Variants in NOP9 observed in about 807,000 individuals in gnomAD.
NOP9 encodes NOP9 nucleolar protein, also known as nucleolar protein 9.
A neutral mutation model predicts 63.0 loss-of-function variants in NOP9; 50 were observed. That is an observed-to-expected ratio of 0.79 (90% CI 0.63 to 1.00). The LOEUF (loss-of-function observed/expected upper bound fraction) is 1.00. NOP9 is among the 50% of genes least tolerant of loss of function. The pLI is 0.00. For missense variants in NOP9, 758 were observed against 803.0 expected (o/e 0.94, Z 0.68); for synonymous variants, 343 against 332.8 (o/e 1.03, Z -0.33).
chr14:24,292,523 T>C, the NOP9 span: 1 of 1,547,348 alleles, frequency 6.5e-7, no homozygotes, highest in Non-Finnish European at 8.9e-7. Flanking sequence ...GAACTGTCCA[T>C]GGATGAGGCA....
the NOP9 span, among the ~76,000 whole-genome samples, chr14:24,283,211 T>A: frequency 1.3e-5 from 2 of 152,242 alleles, no homozygotes; most frequent in Admixed American, 1.3e-4. Flanking sequence ...CTGACCTCAC[T>A]TTCTTAGAAC....
intron 9 of NOP9, among the ~76,000 whole-genome samples, 156 bp from the exon 10 acceptor site, chr14:24,304,782 C>T (rs1302557673): frequency 1.3e-5 from 2 of 152,214 alleles, no homozygotes; most frequent in Non-Finnish European, 2.9e-5. Flanking sequence ...GTCCTCTGCC[C>T]TCACCCTGCC....
the NOP9 span, among the ~76,000 whole-genome samples, chr14:24,272,754 C>G: frequency 1.3e-5 from 2 of 152,214 alleles, no homozygotes; most frequent in African/African-American, 4.8e-5. Context: ...CTGCCAAAAA[C>G]TCTTCATGAC....
In NOP9 at chr14:24,300,178, C is replaced by T. The variant is rs2041344121; in HGVS notation, c.224C>T (p.Ala75Val). 1 of 1,613,990 alleles carries T rather than the reference C, an allele frequency of 6.2e-7. No individual in the cohort carries two copies. Among genetic ancestry groups the T allele is most frequent in the Non-Finnish European group, 8.5e-7 (1 of 1,179,988 alleles). The change falls in exon 1 of 10, where the codon GCT becomes GTT. Residue 75 changes from alanine to valine, a missense_variant. Physicochemically the swap from Ala to Val is moderately conservative, Grantham distance 64 (BLOSUM62 0). Coordinates refer to ENST00000267425, the MANE Select transcript of NOP9 (RefSeq NM_174913.3). The stretch of plus-strand genomic sequence containing the variant: ...CGGGCGCTGTCAGCATTGAAAGAGG[C>T]TCCCGAGACTGGGGAAGAACGAGGT... ...FRRALSALKEAPETGEERDLM... is the reference protein window; with the variant it reads ...FRRALSALKEVPETGEERDLM...
At chr14:24,290,816 C>G in the NOP9 span, 1 of 1,611,396 alleles carries the variant, frequency 6.2e-7, no homozygotes, top group Admixed American at 1.7e-5. Context: ...CCACCAAGTC[C>G]AAATGAGAAG....
Position 24,306,463 on chromosome 14 carries a change from C to T in NOP9, c.*1368C>T, listed in dbSNP as rs777528076. 57 of 1,614,148 alleles carry T rather than the reference C, an allele frequency of 3.5e-5. 1 individual carries two copies. In the Admixed American group the frequency reaches 9.0e-4, roughly 25 times the overall value. Reference sequence around the variant, plus strand: ...TGGAAGAAGTCCTCACTGTCCACTGCAGTTCCATCCTCCTCTAGCACCAGG... The same window carrying T: ...TGGAAGAAGTCCTCACTGTCCACTGTAGTTCCATCCTCCTCTAGCACCAGG... On this transcript the variant is annotated 3_prime_UTR_variant, in exon 10 of 10. Transcript: ENST00000267425.
intron 1 of NOP9, 87 bp downstream of exon 1, chr14:24,300,288 TTAG>T: frequency 6.4e-7 from 1 of 1,572,120 alleles, no homozygotes; most frequent in South Asian, 1.2e-5. Context: ...GCGTGGGGAC[TTAG>T]TTTCATTTCC....
At chr14:24,280,767 A>G in the NOP9 span, among the ~76,000 whole-genome samples, 2 of 152,268 alleles carry the variant, frequency 1.3e-5, no homozygotes, top group African/African-American at 4.8e-5. Flanking sequence ...GAAATGAAAC[A>G]GGGTATTGAG....
chr14:24,302,045 G>A lies in NOP9; in HGVS notation c.889G>A (p.Ala297Thr), dbSNP rs768126506. 2.8e-5 allele frequency: 45 copies of A among 1,613,846 alleles called. No individual in the cohort carries two copies. In the Admixed American group the frequency reaches 2.8e-4, roughly 10 times the overall value. ...ACACCGCAAACTTCCCCAGTTTTGC[G>A]CTCATCTCTGCAATGCTGTGATTGG... ...VLHRKLPQFC[A>T]HLCNAVIGYL... The change falls in exon 4 of 10, where the codon GCT becomes ACT. Residue 297 changes from alanine (A) to threonine (T), a missense_variant. By Grantham distance (58) the Ala-to-Thr change is moderately conservative. Transcript: ENST00000267425.
At chr14:24,292,387 T>G in the NOP9 span, 4 of 1,603,868 alleles carry the variant, frequency 2.5e-6, no homozygotes. Context: ...TTTCCTGCCC[T>G]GCCCTCTCTG....
the NOP9 span, among the ~76,000 whole-genome samples, chr14:24,288,552 G>A: frequency 1.3e-5 from 2 of 152,144 alleles, no homozygotes; most frequent in Non-Finnish European, 2.9e-5. Flanking sequence ...GTTTCACCAT[G>A]TTGGCCAGGC....
intron 2 of NOP9, 138 bp from the exon 3 acceptor site, chr14:24,301,474 G>A (rs1369913070): frequency 4.0e-6 from 4 of 1,007,618 alleles, no homozygotes; most frequent in Non-Finnish European, 5.8e-6. Flanking sequence ...TCTCAGTTCA[G>A]TCATCCAGAA....
intron 5 of NOP9, 85 bp from the exon 6 acceptor site, chr14:24,302,989 A>T: frequency 7.1e-7 from 1 of 1,415,696 alleles, no homozygotes; most frequent in Non-Finnish European, 9.4e-7. Context: ...TAGCATTTTT[A>T]GTTGTTTTCG....
chr14:24,307,962 A>G lies in NOP9; in HGVS notation c.*2867A>G. On this transcript the variant is annotated 3_prime_UTR_variant, in exon 10 of 10. Coordinates refer to ENST00000267425, the MANE Select transcript of NOP9 (RefSeq NM_174913.3). ...TGTTACAAACCTGGGATCTCAGCCC[A>G]GGACAAGGTGGGAATGAGTCAAGCC... The G allele has an allele frequency of 9.1e-7, 1 of 1,093,878 alleles. No individual in the cohort carries two copies. Among genetic ancestry groups the G allele is most frequent in the Admixed American group, 2.0e-5 (1 of 50,110 alleles). The allele number at this position is 1,093,878 out of a possible 1,614,324, so 67.8% of individuals were successfully genotyped here.
chr14:24,301,910 A>G, intron 3 of NOP9, 55 bp from the exon 4 acceptor site: 5 of 1,573,968 alleles, frequency 3.2e-6, no homozygotes, highest in South Asian at 1.1e-5. Context: ...GTTTGAGGTT[A>G]CGCAGGTTGT....
At chr14:24,294,604 C>CAAG in the NOP9 span, 2 of 151,000 alleles carry the variant, frequency 1.3e-5, no homozygotes. Context: ...ACAACAACAA[C>CAAG]AACAACAACA....
upstream of NOP9, chr14:24,296,929 G>C: frequency 6.2e-7 from 1 of 1,610,514 alleles, no homozygotes; most frequent in Non-Finnish European, 8.5e-7. Context: ...ATGGGTGTGA[G>C]TCATGACAAA....
At chr14:24,295,552 C>T (rs892994528), upstream of NOP9, among the ~76,000 whole-genome samples, 2 of 152,154 alleles carry the variant, frequency 1.3e-5, no homozygotes, top group East Asian at 1.9e-4. Flanking sequence ...CATCAGGGCC[C>T]AAGGTCGAGG....
chr14:24,296,024 T>G (rs2041242230), upstream of NOP9, among the ~76,000 whole-genome samples: 1 of 152,230 alleles, frequency 6.6e-6, no homozygotes, highest in African/African-American at 2.4e-5. Context: ...AATGACCCTG[T>G]GTGACCCAGT....
Sources: gnomAD v4.1 joint callset for allele counts (sites outside exome capture counted in the v4.1 genomes callset) on GRCh38, gnomAD v4.1.1 for gene constraint, MANE v1.5 for transcripts, NCBI Gene and HGNC (gene_info 2026-07-23, HGNC 2026-07-21) for gene names.